The following TTN variants were observed in gnomAD, a reference collection of about 807,000 sequenced individuals.
TTN encodes connectin.
TTN carries 1,525 observed loss-of-function variants against 3,223.0 expected under a neutral mutation model. That is an observed-to-expected ratio of 0.47 (90% CI 0.45 to 0.49). The LOEUF (loss-of-function observed/expected upper bound fraction) is 0.49, where lower values mean the gene tolerates loss of function less well. TTN is among the 20% of genes least tolerant of loss of function. The pLI is 0.00. For missense variants in TTN, 40,786 were observed against 43,424.0 expected (o/e 0.94, Z 5.40); for synonymous variants, 14,094 against 15,161.0 (o/e 0.93, Z 5.17).
chr2:178,768,570 T>C, intron 38 of TTN, 103 bp downstream of exon 38: 9 of 1,526,572 alleles, frequency 5.9e-6, no homozygotes, highest in Non-Finnish European at 8.1e-6. Context: ...TCCCATCGTA[T>C]GGCTATCCCA....
chr2:178,694,120 G>A (rs2073124300), intron 117 of TTN, 112 bp from the exon 118 acceptor site: 3 of 751,274 alleles, frequency 4.0e-6, no homozygotes, highest in Admixed American at 5.6e-5. Flanking sequence ...GGGTTAATAT[G>A]GTAGCTTGAG....
chr2:178,632,993 A>G lies in TTN; in HGVS notation c.43138T>C (p.Cys14380Arg), dbSNP rs557125278. The G allele has an allele frequency of 2.1e-4, 335 of 1,613,256 alleles. No individual in the cohort carries two copies. The South Asian group carries it at 3.3e-3, about 16-fold the overall frequency. ...ACCTCTCCTGTCATACCCAGCTGACAGTTATGAAGGATCAGAATATGCTTC... is the reference window on the plus strand; with the variant it reads ...ACCTCTCCTGTCATACCCAGCTGACGGTTATGAAGGATCAGAATATGCTTC... Reference protein sequence around the residue: ...GKKHILILHNCQLGMTGEVSF... With the variant: ...GKKHILILHNRQLGMTGEVSF... The change falls in exon 234 of 363, where the codon TGT (cysteine) becomes CGT (arginine). Residue 14380 changes from cysteine (C) to arginine (R), a missense_variant. Cys to Arg is a radical substitution (Grantham distance 180). Coordinates refer to ENST00000589042, the MANE Select transcript of TTN (RefSeq NM_001267550.2).
At chr2:178,667,395 C>A in intron 161 of TTN, 47 bp downstream of exon 161, 1 of 1,576,032 alleles carries the variant, frequency 6.3e-7, no homozygotes, top group South Asian at 1.1e-5. Flanking sequence ...ATGTTTGAGT[C>A]ATAAAGCTAA....
intron 41 of TTN, among the ~76,000 whole-genome samples, chr2:178,765,069 G>A (rs2090122706): frequency 1.3e-5 from 2 of 152,104 alleles, no homozygotes; most frequent in Non-Finnish European, 2.9e-5. Context: ...TGAGAGTGCC[G>A]AGTTAACCTG....
chr2:178,709,380 G>A (rs1297297406), intron 99 of TTN, among the ~76,000 whole-genome samples, 186 bp downstream of exon 99: 1 of 152,160 alleles, frequency 6.6e-6, no homozygotes, highest in East Asian at 1.9e-4. Context: ...CCTTCGGGAA[G>A]CCACATAATT....
chr2:178,617,977 T>C lies in TTN; in HGVS notation c.47374A>G (p.Asn15792Asp). 1 of 1,612,634 alleles carries C rather than the reference T, an allele frequency of 6.2e-7. No homozygotes were observed. The highest frequency in any genetic ancestry group is 8.5e-7 in the Non-Finnish European group (1 of 1,179,112). The change falls in exon 253 of 363, where the codon AAC becomes GAC. Residue 15792 changes from asparagine to aspartate, a missense_variant. Physicochemically the swap from Asn to Asp is conservative, Grantham distance 23 (BLOSUM62 1). Transcript: ENST00000589042. Reference sequence around the variant, plus strand: ...TTGTCTCTTAATTCAATGACGTAGTTTGTGATCTCAGCACCTCCATCATAC... The same window carrying C: ...TTGTCTCTTAATTCAATGACGTAGTCTGTGATCTCAGCACCTCCATCATAC... ...PEYDGGAEIT[N>D]YVIELRDKTS...
intron 284 of TTN, 29 bp from the exon 285 acceptor site, chr2:178,601,943 G>A (rs370638000): frequency 1.1e-4 from 172 of 1,612,554 alleles, no homozygotes; most frequent in Non-Finnish European, 1.4e-4. Context: ...GTCAGTTGTA[G>A]TATAAATACT....
Position 178,573,839 on chromosome 2 carries a change from C to G in TTN, c.72293G>C (p.Gly24098Ala). 1 of 1,611,828 alleles carries G rather than the reference C, an allele frequency of 6.2e-7. No individual in the cohort carries two copies. The highest frequency in any genetic ancestry group is 1.3e-5 in the African/African-American group (1 of 74,926). ...ATTAGTCGCTGTAAGGGTATAGGCA[C>G]CACTATCCCTTCTTGTTGAATCTTT... ...VNKDSTRRDS[G>A]AYTLTATNPG... Residue 24098 changes from glycine to alanine, a missense_variant, in exon 326 of 363, where the codon GGT (glycine) becomes GCT (alanine). Gly to Ala is a moderately conservative substitution (Grantham distance 60, BLOSUM62 0). Transcript: ENST00000589042.
At chr2:178,665,641 T>A (rs1293341877) in intron 164 of TTN, 67 bp downstream of exon 164, 4 of 1,279,648 alleles carry the variant, frequency 3.1e-6, no homozygotes, top group South Asian at 1.7e-5. Context: ...ATTCTCCAGT[T>A]CCCTAGCACC....
Position 178,557,485 on chromosome 2 carries a change from A to G in TTN, c.87777T>C (p.His29259=), listed in dbSNP as rs1304336653. 4 of 1,613,926 alleles carry G rather than the reference A, an allele frequency of 2.5e-6. No individual in the cohort carries two copies. Among genetic ancestry groups the G allele is most frequent in the Non-Finnish European group, 3.4e-6 (4 of 1,179,848 alleles). Residue 29259 remains histidine, a synonymous_variant, in exon 329 of 363, where the codon CAT becomes CAC. Transcript: ENST00000589042. ...CACTGCCTCCATTTGACACTGGTTC[A>G]TGCCAGCCCACAGTGATGCTTTCTC... The part of the protein sequence containing the change: ...VTRESITVGW[H]EPVSNGGSAV...
rs1191147375 is a variant in TTN at position 178,740,507 on chromosome 2, A to G, written c.12726T>C (p.Ser4242=). The change falls in exon 48 of 363, where the codon TCT becomes TCC. Residue 4242 remains serine, a synonymous_variant. Coordinates refer to ENST00000589042, the MANE Select transcript of TTN (RefSeq NM_001267550.2). The stretch of plus-strand genomic sequence containing the variant: ...TCACTCTTTGCTCTCTGTTGGTGTC[A>G]GATACTGTCTTTTCTTTTGGTGAAA... ...EVLSPKEKTV[S]DTNREQRVTL... 11 of 1,613,624 alleles carry G rather than the reference A, an allele frequency of 6.8e-6. No homozygotes were observed. Among genetic ancestry groups the G allele is most frequent in the South Asian group, 1.1e-5 (1 of 91,074 alleles).
At position 178,620,044 on chromosome 2, in the gene TTN, C is replaced by T. The variant is rs377564388; in HGVS notation, c.46373G>A (p.Cys15458Tyr). 91 of 1,611,896 alleles carry T rather than the reference C, an allele frequency of 5.6e-5. No homozygotes were observed. Among genetic ancestry groups the T allele is most frequent in the Non-Finnish European group, 7.7e-5 (91 of 1,178,808 alleles). ...GTCTTCTACCCCGCAAGCATATTCA[C>T]ACTCATCATCCAGCCTGCAATCTTT... The part of the protein sequence containing the change: ...IIKDCRLDDE[C>Y]EYACGVEDRK... The change falls in exon 249 of 363, where the codon TGT (cysteine) becomes TAT (tyrosine). Residue 15458 changes from cysteine to tyrosine, a missense_variant. Physicochemically the swap from Cys to Tyr is radical, Grantham distance 194. Transcript: ENST00000589042.
chr2:178,687,039 A>G (rs1018257203), intron 127 of TTN, among the ~76,000 whole-genome samples: 3 of 152,222 alleles, frequency 2.0e-5, no homozygotes, highest in Non-Finnish European at 4.4e-5. Flanking sequence ...GTCATGTCCC[A>G]TCTTGGCCTA....
intron 146 of TTN, 74 bp from the exon 147 acceptor site, chr2:178,677,361 T>TATATATATATATATATA (rs1560296885): frequency 5.8e-6 from 3 of 515,022 alleles, no homozygotes; most frequent in African/African-American, 4.6e-5. Context: ...TATATATATA[T>TATATATATATATATATA]GAAAGAGACA....
rs397517636 is a variant in TTN, at chr2:178,593,967, C to T, written c.58426G>A (p.Val19476Ile). The change falls in exon 297 of 363, where the codon GTT becomes ATT. Residue 19476 changes from valine to isoleucine, a missense_variant. Val to Ile is a conservative substitution (Grantham distance 29). Transcript: ENST00000589042. ...TCCACTAAATAAGACTTACCAACAA[C>T]ATTAACTTGACAGAAACCTTTCCTA... The part of the protein sequence containing the change: ...GSRKGFCQVN[V>I]VDRPGPPVGP... 1,812 of 1,613,370 alleles carry T rather than the reference C, an allele frequency of 1.1e-3. 46 individuals carry two copies. In the South Asian group the frequency reaches 0.019, roughly 17 times the overall value.
chr2:178,740,556 A>T lies in TTN; in HGVS notation c.12677T>A (p.Leu4226Gln). 6.2e-7 allele frequency: 1 copy of T among 1,613,858 alleles called. No individual in the cohort carries two copies. The highest frequency in any genetic ancestry group is 8.5e-7 in the Non-Finnish European group (1 of 1,179,822). The change falls in exon 48 of 363, where the codon CTA becomes CAA. Residue 4226 changes from leucine (L) to glutamine (Q), a missense_variant. Physicochemically the swap from Leu to Gln is moderately radical, Grantham distance 113. Coordinates refer to ENST00000589042, the MANE Select transcript of TTN (RefSeq NM_001267550.2). Reference sequence around the variant, plus strand: ...AAGTACTTCCTCAGCCACAGAGGTTAGATAAGAATGCATTGGAGGTTCTAT... The same window carrying T: ...AAGTACTTCCTCAGCCACAGAGGTTTGATAAGAATGCATTGGAGGTTCTAT... ...SSIEPPMHSY[L>Q]TSVAEEVLSP...
In TTN at chr2:178,756,479, A is replaced by G. The variant is rs2087001546; in HGVS notation, c.10997T>C (p.Leu3666Pro). Residue 3666 changes from leucine to proline, a missense_variant, in exon 46 of 363, where the codon CTT becomes CCT. Transcript: ENST00000589042. Reference protein sequence around the residue: ...TGEAPKIFLHLQDVTVKCGDT... With the variant: ...TGEAPKIFLHPQDVTVKCGDT... Reference sequence around the variant, plus strand: ...ACCGCACTTTACAGTGACGTCCTGAAGATGCAGGAAAATCTTGGGCGCCTC... The same window carrying G: ...ACCGCACTTTACAGTGACGTCCTGAGGATGCAGGAAAATCTTGGGCGCCTC... 6.2e-7 allele frequency: 1 copy of G among 1,613,740 alleles called. No homozygotes were observed. The highest frequency in any genetic ancestry group is 1.3e-5 in the African/African-American group (1 of 74,936).
In TTN at chr2:178,593,074, C is replaced by T. The variant is rs2050577486; in HGVS notation, c.59045G>A (p.Ser19682Asn). 1 of 1,611,598 alleles carries T rather than the reference C, an allele frequency of 6.2e-7. No homozygotes were observed. The highest frequency in any genetic ancestry group is 1.7e-5 in the Admixed American group (1 of 59,536). Reference protein sequence around the residue: ...VFAKDPIAKPSPPVNPEAIDT... With the variant: ...VFAKDPIAKPNPPVNPEAIDT... ...TATTGCTTCAGGATTAACAGGTGGA[C>T]TTGGTTTAGCTAAAAAATAAAAGTA... is the stretch of plus-strand genomic sequence containing the variant. The change falls in exon 300 of 363, where the codon AGT (serine) becomes AAT (asparagine). Residue 19682 changes from serine to asparagine, a missense_variant. Physicochemically the swap from Ser to Asn is conservative, Grantham distance 46. Coordinates refer to ENST00000589042, the MANE Select transcript of TTN (RefSeq NM_001267550.2).
At chr2:178,769,214 T>C (rs1402178635) in intron 37 of TTN, among the ~76,000 whole-genome samples, 1 of 151,568 alleles carries the variant, frequency 6.6e-6, no homozygotes, top group Non-Finnish European at 1.5e-5. Context: ...ACTAGTGCTT[T>C]ACTCAGTGTA....
Sources: gnomAD v4.1 joint callset for allele counts (sites outside exome capture counted in the v4.1 genomes callset) on GRCh38, gnomAD v4.1.1 for gene constraint, MANE v1.5 for transcripts, NCBI Gene and HGNC (gene_info 2026-07-23, HGNC 2026-07-21) for gene names.